ZDHHC11B: variants seen among roughly 807,000 people sequenced by gnomAD.
ZDHHC11B encodes probable palmitoyltransferase ZDHHC11B.
In ZDHHC11B, 17 loss-of-function variants were observed where a neutral mutation model predicts 42.3. The ratio of observed to expected loss-of-function variants is 0.40; its 90% confidence interval spans 0.27 to 0.60. The LOEUF (loss-of-function observed/expected upper bound fraction) is 0.60, where lower values mean the gene tolerates loss of function less well. ZDHHC11B is among the 20% of genes least tolerant of loss of function. The probability of loss-of-function intolerance (pLI) is 0.41; values close to 1 mark genes in which losing one functional copy is unlikely to be tolerated. For synonymous variants in ZDHHC11B, 123 were observed against 193.5 expected (o/e 0.64, Z 3.02); for missense variants, 262 against 463.2 (o/e 0.57, Z 3.99).
rs370045664 is a variant in ZDHHC11B at position 711,801 on chromosome 5, T to C, written c.*489A>G. On this transcript the variant is annotated 3_prime_UTR_variant, in exon 14 of 14. Coordinates refer to ENST00000508859, the MANE Select transcript of ZDHHC11B (RefSeq NM_001351303.2). ...TTCCCAGCACTGTGATCCCATTTCC[T>C]AGTACTGTGCTACCATTTCCCAGTA... 3.6e-3 allele frequency: 455 copies of C among 125,934 alleles called. 3 individuals are homozygous for C. The highest frequency in any genetic ancestry group is 6.1e-3 in the Middle Eastern group (11 of 1,808). The allele number at this position is 125,934 out of a possible 1,614,324, so 7.8% of individuals were successfully genotyped here.
chr5:752,716 C>T, intron 6 of ZDHHC11B, among the ~76,000 whole-genome samples: 1 of 95,776 alleles, frequency 1.0e-5, no homozygotes, highest in Non-Finnish European at 2.4e-5. Context: ...GTGAGCGGCT[C>T]CCTGACTGCT....
chr5:730,374 A>G, intron 12 of ZDHHC11B, 60 bp downstream of exon 12: 1 of 1,525,720 alleles, frequency 6.6e-7, no homozygotes, highest in South Asian at 1.3e-5. Flanking sequence ...TTCCTAGGTA[A>G]TTTGAGTTCA....
Position 766,824 on chromosome 5 carries a change from G to A in ZDHHC11B, c.96C>T (p.Asn32=), listed in dbSNP as rs4957103. Residue 32 remains asparagine (N), a synonymous_variant, in exon 4 of 14, where the codon AAC becomes AAT. Coordinates refer to ENST00000508859, the MANE Select transcript of ZDHHC11B (RefSeq NM_001351303.2). The part of the protein sequence containing the change: ...LVLPPRISRV[N]GWSLPLHYFR... Reference sequence around the variant, plus strand: ...AGTAGTGCAGGGGTAACGACCAGCCGTTCACTCTGGAGATGCGGGGCGGCA... The same window carrying A: ...AGTAGTGCAGGGGTAACGACCAGCCATTCACTCTGGAGATGCGGGGCGGCA... 0.27 allele frequency: 428,821 copies of A among 1,567,814 alleles called. 41,997 individuals are homozygous for A. The highest frequency in any genetic ancestry group is 0.29 in the Non-Finnish European group (332,609 of 1,146,746).
chr5:716,896 A>C, intron 12 of ZDHHC11B, 31 bp from the exon 13 acceptor site: 3 of 1,612,590 alleles, frequency 1.9e-6, no homozygotes, highest in Non-Finnish European at 2.5e-6. Context: ...GAGAGACAAC[A>C]GAGAACGTAT....
intron 13 of ZDHHC11B, among the ~76,000 whole-genome samples, chr5:715,543 C>T (rs2126947679): frequency 6.6e-6 from 1 of 151,350 alleles, no homozygotes; most frequent in South Asian, 2.1e-4. Flanking sequence ...TGGTCAGTTT[C>T]TTGCAATCTT....
intron 12 of ZDHHC11B, among the ~76,000 whole-genome samples, chr5:719,931 C>T (rs1420247649): frequency 6.6e-6 from 1 of 151,762 alleles, no homozygotes; most frequent in Non-Finnish European, 1.5e-5. Flanking sequence ...CCACCCAGGA[C>T]ATGAATGATC....
At chr5:752,034 T>G (rs1404199357) in intron 6 of ZDHHC11B, among the ~76,000 whole-genome samples, 2 of 124,142 alleles carry the variant, frequency 1.6e-5, no homozygotes, top group Non-Finnish European at 3.6e-5. Flanking sequence ...CGACTCCACC[T>G]GATGCAGACA....
intron 3 of ZDHHC11B, among the ~76,000 whole-genome samples, chr5:767,186 C>A (rs1292736349): frequency 6.6e-6 from 1 of 151,954 alleles, no homozygotes; most frequent in Non-Finnish European, 1.5e-5. Context: ...AAATGGCTCT[C>A]CAGGGTGTGG....
chr5:728,840 G>C (rs906941411), intron 12 of ZDHHC11B, among the ~76,000 whole-genome samples: 1 of 151,756 alleles, frequency 6.6e-6, no homozygotes, highest in Non-Finnish European at 1.5e-5. Context: ...TGGGCAACAT[G>C]GTGACACCCC....
intron 13 of ZDHHC11B, among the ~76,000 whole-genome samples, chr5:712,786 GTAGGCCCAGC>G (rs1385455234): frequency 4.6e-5 from 7 of 150,830 alleles, no homozygotes; most frequent in African/African-American, 1.7e-4. Flanking sequence ...GCGGGCAACT[GTAGGCCCAGC>G]TACATGGGAG....
Position 711,988 on chromosome 5 carries a change from G to A in ZDHHC11B, c.*302C>T, listed in dbSNP as rs1482958923. On this transcript the variant is annotated 3_prime_UTR_variant, in exon 14 of 14. Coordinates refer to ENST00000508859, the MANE Select transcript of ZDHHC11B (RefSeq NM_001351303.2). The stretch of plus-strand genomic sequence containing the variant: ...GCTGGCTGGACAGCACAGTTAAGCA[G>A]GTGGCTGCATCCTCTGCAGTTGCTG... The A allele has an allele frequency of 3.0e-5, 4 of 135,194 alleles. No individual in the cohort carries two copies. Among genetic ancestry groups the A allele is most frequent in the South Asian group, 4.8e-4 (2 of 4,160 alleles). 8.4% of individuals were successfully genotyped at this position (135,194 alleles called of 1,614,324 possible). A position where few individuals can be genotyped will look rare whatever the true frequency, so the allele number is the denominator to read the frequency against.
intron 1 of ZDHHC11B, among the ~76,000 whole-genome samples, chr5:771,571 G>A (rs1366824009): frequency 6.6e-6 from 1 of 151,638 alleles, no homozygotes; most frequent in Non-Finnish European, 1.5e-5. Context: ...GTCAGGTGTC[G>A]AGCCAGGAAC....
chr5:732,506 G>T (rs747080342), intron 11 of ZDHHC11B: 5 of 347,690 alleles, frequency 1.4e-5, no homozygotes, highest in Non-Finnish European at 2.9e-5. Flanking sequence ...GGGCTCGATT[G>T]GTTTCCACTG....
chr5:733,662 A>C (rs1743241487), intron 11 of ZDHHC11B, 90 bp downstream of exon 11: 11 of 1,157,172 alleles, frequency 9.5e-6, no homozygotes, highest in African/African-American at 1.5e-5. Context: ...TATTCTGAAT[A>C]CTGCCTTAAC....
At chr5:722,814 C>T (rs1317496976) in intron 12 of ZDHHC11B, among the ~76,000 whole-genome samples, 7 of 151,296 alleles carry the variant, frequency 4.6e-5, no homozygotes, top group Non-Finnish European at 1.0e-4. Flanking sequence ...GAAGCAAACG[C>T]CAACAGACTA....
At chr5:717,327 A>C (rs1176084182) in intron 12 of ZDHHC11B, among the ~76,000 whole-genome samples, 1 of 151,686 alleles carries the variant, frequency 6.6e-6, no homozygotes, top group Middle Eastern at 3.2e-3. Flanking sequence ...CTCTGCCCTG[A>C]TGTTACACTA....
chr5:715,568 A>T (rs1260828972), intron 13 of ZDHHC11B, among the ~76,000 whole-genome samples: 1 of 151,160 alleles, frequency 6.6e-6, no homozygotes, highest in African/African-American at 2.4e-5. Context: ...CATCTCATTC[A>T]TCTCCCCTTC....
chr5:750,929 C>T (rs1314808314), intron 7 of ZDHHC11B, among the ~76,000 whole-genome samples: 30 of 117,586 alleles, frequency 2.6e-4, no homozygotes, highest in African/African-American at 7.0e-4. Flanking sequence ...GCGCCCTCCC[C>T]GAGCCTGCCT....
At chr5:753,156 A>C (rs58875223) in intron 6 of ZDHHC11B, among the ~76,000 whole-genome samples, 48,120 of 120,526 alleles carry the variant, frequency 0.4, 11,746 homozygotes, top group Middle Eastern at 0.47. Flanking sequence ...ATCACTACGA[A>C]GTATGCAGCC....
Sources: allele counts gnomAD v4.1 joint callset (sites outside exome capture counted in the v4.1 genomes callset), GRCh38; gene constraint gnomAD v4.1.1; transcripts MANE v1.5; gene names NCBI Gene and HGNC (gene_info 2026-07-23, HGNC 2026-07-21).